Variants in CNTLN observed in about 807,000 individuals in gnomAD.
CNTLN encodes centlein, centrosomal protein.
In CNTLN, 212 loss-of-function variants were observed where a neutral mutation model predicts 180.0. The observed-to-expected ratio is 1.18, with a 90% CI of 1.05 to 1.32. The LOEUF is 1.32. Ranked by LOEUF, CNTLN falls within the 40% of genes most tolerant of loss-of-function variation. The pLI is 0.00. For synonymous variants in CNTLN, 722 were observed against 563.1 expected (o/e 1.28, Z -3.99); for missense variants, 2,095 against 1,610.9 (o/e 1.30, Z -5.14).
At chr9:17,215,559 A>G (rs543335512) in intron 2 of CNTLN, among the ~76,000 whole-genome samples, 1 of 152,190 alleles carries the variant, frequency 6.6e-6, no homozygotes, top group Non-Finnish European at 1.5e-5. Context: ...TACTGGGAGA[A>G]CGACTGCTCT....
At chr9:17,458,696 T>C (rs1006617721) in intron 19 of CNTLN, among the ~76,000 whole-genome samples, 1 of 151,962 alleles carries the variant, frequency 6.6e-6, no homozygotes, top group African/African-American at 2.4e-5. Context: ...TTATTATTGC[T>C]TGAAAATAAT....
chr9:17,293,565 C>G (rs1397366885), intron 6 of CNTLN, among the ~76,000 whole-genome samples: 1 of 152,200 alleles, frequency 6.6e-6, no homozygotes, highest in Non-Finnish European at 1.5e-5. Flanking sequence ...TCTGCCATAG[C>G]CATAGCCACT....
At chr9:17,184,317 T>G (rs1821301268) in intron 2 of CNTLN, among the ~76,000 whole-genome samples, 1 of 137,196 alleles carries the variant, frequency 7.3e-6, no homozygotes, top group South Asian at 2.3e-4. Context: ...ATATTTGTTA[T>G]AACAGAGCAC....
At chr9:17,270,989 C>T (rs889871533) in intron 5 of CNTLN, among the ~76,000 whole-genome samples, 43 of 134,688 alleles carry the variant, frequency 3.2e-4, no homozygotes, top group African/African-American at 1.2e-3. Context: ...CTTGCTCTGT[C>T]GCCCAGGCTG....
intron 12 of CNTLN, among the ~76,000 whole-genome samples, chr9:17,356,911 A>C (rs1822895128): frequency 1.3e-5 from 2 of 152,048 alleles, no homozygotes; most frequent in Non-Finnish European, 2.9e-5. Flanking sequence ...CATATACCTA[A>C]AATATAGAAA....
At chr9:17,523,642 T>G in the CNTLN span, among the ~76,000 whole-genome samples, 1 of 152,062 alleles carries the variant, frequency 6.6e-6, no homozygotes, top group Non-Finnish European at 1.5e-5. Flanking sequence ...ATCTTATGGA[T>G]TATTTGCTTT....
intron 5 of CNTLN, among the ~76,000 whole-genome samples, chr9:17,251,311 T>C (rs905937237): frequency 2.6e-5 from 4 of 151,978 alleles, no homozygotes; most frequent in African/African-American, 9.7e-5. Context: ...TTTTGGAAGT[T>C]TTGGGCCATC....
chr9:17,306,300 C>A (rs1818709091), intron 7 of CNTLN, among the ~76,000 whole-genome samples: 1 of 152,126 alleles, frequency 6.6e-6, no homozygotes, highest in South Asian at 2.1e-4. Flanking sequence ...CAGGCGTGTG[C>A]CACCATGCCC....
At chr9:17,203,418 C>G (rs1031962504) in intron 2 of CNTLN, among the ~76,000 whole-genome samples, 1 of 152,150 alleles carries the variant, frequency 6.6e-6, no homozygotes, top group Non-Finnish European at 1.5e-5. Flanking sequence ...GGATAATATC[C>G]TGAAGTGTGT....
rs533055985 is a variant in CNTLN, at chr9:17,290,892, G to A, written c.984-7298G>A. Among the ~76,000 whole-genome samples the A allele has an allele frequency of 3.3e-5, 5 of 152,292 alleles. No individual in the cohort carries two copies. The East Asian group carries it at 9.7e-4, about 30-fold the overall frequency. ...TCGCGCATGGTGCGTGCACCCACTG[G>A]CCTGCGCCCACTGTCTGGCACTCCC... On this transcript the variant is annotated intron_variant, in intron 6 of 25. Transcript: ENST00000380647.
chr9:17,290,829 C>A (rs894759357), intron 6 of CNTLN, among the ~76,000 whole-genome samples: 3 of 152,222 alleles, frequency 2.0e-5, no homozygotes, highest in African/African-American at 7.2e-5. Context: ...TGATCCCTCG[C>A]GCTTCCCAGG....
At chr9:17,296,128 G>C (rs976429375) in intron 6 of CNTLN, among the ~76,000 whole-genome samples, 1 of 151,742 alleles carries the variant, frequency 6.6e-6, no homozygotes, top group Non-Finnish European at 1.5e-5. Flanking sequence ...TCAGCCTCCT[G>C]AGTAGCTGGA....
intron 15 of CNTLN, among the ~76,000 whole-genome samples, chr9:17,404,226 A>C (rs911664724): frequency 1.3e-5 from 2 of 151,806 alleles, no homozygotes; most frequent in African/African-American, 4.9e-5. Flanking sequence ...CTAGAAGACA[A>C]TATTGAAGTT....
chr9:17,155,481 G>C (rs1404551413), intron 2 of CNTLN, among the ~76,000 whole-genome samples: 4 of 152,204 alleles, frequency 2.6e-5, no homozygotes, highest in African/African-American at 9.6e-5. Flanking sequence ...GGAGCAATCT[G>C]GCAGTCTGGC....
rs921946863 is a variant in CNTLN at position 17,211,688 on chromosome 9, C to T, written c.450-14515C>T. Reference sequence around the variant, plus strand: ...AATATTGATTCTTCCTATCCATGAGCATGGAATGTTCTTCCATTTGTTTAT... The same window carrying T: ...AATATTGATTCTTCCTATCCATGAGTATGGAATGTTCTTCCATTTGTTTAT... On this transcript the variant is annotated intron_variant, in intron 2 of 25. Coordinates refer to ENST00000380647, the MANE Select transcript of CNTLN (RefSeq NM_017738.4). Among the ~76,000 whole-genome samples the T allele has an allele frequency of 7.2e-5, 11 of 152,192 alleles. 1 individual carries two copies. Among genetic ancestry groups the T allele is most frequent in the African/African-American group, 2.6e-4 (11 of 41,554 alleles).
intron 15 of CNTLN, among the ~76,000 whole-genome samples, chr9:17,397,958 A>G (rs903786772): frequency 6.6e-6 from 1 of 152,178 alleles, no homozygotes; most frequent in African/African-American, 2.4e-5. Context: ...GGACTTCAGA[A>G]GATTCTTTCT....
chr9:17,330,395 C>G (rs1437243952), intron 8 of CNTLN, among the ~76,000 whole-genome samples: 3 of 151,844 alleles, frequency 2.0e-5, no homozygotes, highest in Non-Finnish European at 4.4e-5. Flanking sequence ...TCCTTGAAAT[C>G]TATATGACAG....
At chr9:17,521,192 C>G in the CNTLN span, among the ~76,000 whole-genome samples, 1 of 150,406 alleles carries the variant, frequency 6.6e-6, no homozygotes, top group Admixed American at 6.7e-5. Context: ...ATTCCCAAAC[C>G]TTCAGGGTTC....
intron 7 of CNTLN, among the ~76,000 whole-genome samples, chr9:17,303,507 C>T (rs1171829505): frequency 6.6e-6 from 1 of 151,990 alleles, no homozygotes; most frequent in African/African-American, 2.4e-5. Flanking sequence ...GCTATTACAT[C>T]ACACTTTTTA....
Sources: gnomAD v4.1 joint callset for allele counts (sites outside exome capture counted in the v4.1 genomes callset) on GRCh38, gnomAD v4.1.1 for gene constraint, MANE v1.5 for transcripts, NCBI Gene and HGNC (gene_info 2026-07-23, HGNC 2026-07-21) for gene names.